Variants in ALDH1L1 observed in about 807,000 individuals in gnomAD.
ALDH1L1 encodes aldehyde dehydrogenase 1 family member L1.
A neutral mutation model predicts 101.1 loss-of-function variants in ALDH1L1; 68 were observed. The ratio of observed to expected loss-of-function variants is 0.67; its 90% CI spans 0.55 to 0.82. ALDH1L1 has a LOEUF of 0.82. Ranked by LOEUF, ALDH1L1 falls within the 40% of genes least tolerant of loss-of-function variation. The probability of loss-of-function intolerance (pLI) is 0.00; values close to 1 mark genes in which losing one functional copy is unlikely to be tolerated. For synonymous variants in ALDH1L1, 486 were observed against 470.8 expected, an observed-to-expected ratio of 1.03 and a Z score of -0.42; for missense variants, 1,087 against 1,172.7, an observed-to-expected ratio of 0.93 and a Z score of 1.07.
chr3:126,149,546 T>A (rs1001487625), intron 8 of ALDH1L1, among the ~76,000 whole-genome samples: 1 of 152,210 alleles, frequency 6.6e-6, no homozygotes, highest in Non-Finnish European at 1.5e-5. Context: ...ATAAATAGGA[T>A]TTTTTTTAAA....
intron 1 of ALDH1L1, among the ~76,000 whole-genome samples, chr3:126,191,344 A>G (rs986420852): frequency 6.6e-6 from 1 of 152,182 alleles, no homozygotes; most frequent in Non-Finnish European, 1.5e-5. Context: ...TACTGCTTTT[A>G]GTGGTGAGGA....
intron 12 of ALDH1L1, among the ~76,000 whole-genome samples, chr3:126,134,190 G>A (rs2080373410): frequency 6.6e-6 from 1 of 152,222 alleles, no homozygotes; most frequent in Non-Finnish European, 1.5e-5. Flanking sequence ...AGCTGAGGCA[G>A]AACCAGTAAT....
chr3:126,125,926 C>A (rs2080173229), intron 14 of ALDH1L1, among the ~76,000 whole-genome samples: 1 of 152,152 alleles, frequency 6.6e-6, no homozygotes, highest in Non-Finnish European at 1.5e-5. Flanking sequence ...TGGCAGCAGC[C>A]CCTCTTCCTA....
intron 14 of ALDH1L1, chr3:126,129,976 T>A: frequency 2.9e-6 from 1 of 339,500 alleles, no homozygotes; most frequent in East Asian, 4.8e-5. Context: ...ATTTTGGACA[T>A]TTTTTGGGTT....
intron 20 of ALDH1L1, among the ~76,000 whole-genome samples, chr3:126,109,061 A>G (rs1945986679): frequency 6.6e-6 from 1 of 152,246 alleles, no homozygotes; most frequent in Admixed American, 6.5e-5. Context: ...CCAGAGTGGG[A>G]CAATTCTCAG....
At chr3:126,186,980 G>A (rs2081522739) in intron 1 of ALDH1L1, among the ~76,000 whole-genome samples, 1 of 152,204 alleles carries the variant, frequency 6.6e-6, no homozygotes, top group African/African-American at 2.4e-5. Context: ...AAGTCACTGT[G>A]GAGCTCTGAA....
intron 1 of ALDH1L1, among the ~76,000 whole-genome samples, chr3:126,164,138 AAAGGC>A (rs1038972749): frequency 2.6e-5 from 4 of 152,196 alleles, no homozygotes; most frequent in Admixed American, 1.3e-4. Flanking sequence ...CTCAAAAAAA[AAAGGC>A]AAGGCAAGGC....
chr3:126,150,355 T>C, intron 8 of ALDH1L1, 51 bp downstream of exon 8: 1 of 1,542,420 alleles, frequency 6.5e-7, no homozygotes, highest in South Asian at 1.2e-5. Flanking sequence ...AGAACACATG[T>C]GCACGGCACA....
chr3:126,122,961 A>G (rs1374269809), intron 16 of ALDH1L1, among the ~76,000 whole-genome samples: 2 of 152,262 alleles, frequency 1.3e-5, no homozygotes, highest in African/African-American at 4.8e-5. Flanking sequence ...AACCCACTGT[A>G]TCAATATTTA....
Position 126,180,283 on chromosome 3 carries a change from A to C in ALDH1L1, c.-24+193T>G, listed in dbSNP as rs143591004. The C allele has an allele frequency of 2.8e-3, 633 of 227,158 alleles. 2 individuals carry two copies. The highest frequency in any genetic ancestry group is 4.2e-3 in the Non-Finnish European group (563 of 135,598). 14.1% of individuals were successfully genotyped at this position (227,158 alleles called of 1,614,324 possible). On this transcript the variant is annotated intron_variant, in intron 1 of 22. Transcript: ENST00000393434. Reference sequence around the variant, plus strand: ...ATGACCCCTGGCCAGGTTCAGCCTCAATTGCTCCAAAGAACTCCGGACCCG... The same window carrying C: ...ATGACCCCTGGCCAGGTTCAGCCTCCATTGCTCCAAAGAACTCCGGACCCG...
At chr3:126,184,988 C>T (rs190955281), upstream of ALDH1L1, among the ~76,000 whole-genome samples, 663 of 152,246 alleles carry the variant, frequency 4.4e-3, 5 homozygotes, top group African/African-American at 0.015. Flanking sequence ...TCACCTGATC[C>T]CCACCCCTTA....
chr3:126,120,602 G>A (rs550685389), intron 16 of ALDH1L1, among the ~76,000 whole-genome samples: 4 of 152,246 alleles, frequency 2.6e-5, no homozygotes, highest in South Asian at 4.1e-4. Flanking sequence ...TACGGACTTC[G>A]GGGGATAATG....
chr3:126,151,791 T>G (rs2080812173), intron 7 of ALDH1L1: 1 of 157,540 alleles, frequency 6.3e-6, no homozygotes, highest in Non-Finnish European at 1.5e-5. Context: ...AGGGCGTGGC[T>G]GAGAGATGCT....
chr3:126,153,116 C>T (rs1350145750), intron 7 of ALDH1L1: 5 of 397,678 alleles, frequency 1.3e-5, no homozygotes, highest in Admixed American at 1.1e-4. Flanking sequence ...CAAAGAGAGG[C>T]CCTGAACCCA....
At chr3:126,156,435 A>T (rs1294808048) in intron 4 of ALDH1L1, 1 of 152,330 alleles carries the variant, frequency 6.6e-6, no homozygotes, top group East Asian at 1.9e-4. Context: ...ACGAGGGGAC[A>T]GTGGACACTG....
In ALDH1L1 at chr3:126,109,970, C is replaced by G. The variant is rs1022282085; in HGVS notation, c.2321G>C (p.Cys774Ser). 6.2e-7 allele frequency: 1 copy of G among 1,614,144 alleles called. No homozygotes were observed. Among genetic ancestry groups the G allele is most frequent in the Non-Finnish European group, 8.5e-7 (1 of 1,180,002 alleles). ...HGVKEGATLV[C>S]GGNQVPRPGF... The stretch of plus-strand genomic sequence containing the variant: ...TGGCCGAGGGACCTGATTCCCGCCG[C>G]AGACCAGTGTGGCCCCTTCCTTCAC... Residue 774 changes from cysteine to serine, a missense_variant, in exon 20 of 23, where the codon TGC (cysteine) becomes TCC (serine). Physicochemically the swap from Cys to Ser is moderately radical, Grantham distance 112 (BLOSUM62 -1). Around this residue, in one of 2 missense-constraint regions of ALDH1L1, gnomAD observed 442 missense variants for 535.7 expected, o/e 0.83. Transcript: ENST00000393434.
At chr3:126,145,969 ATTC>A (rs910322092) in intron 9 of ALDH1L1, among the ~76,000 whole-genome samples, 1 of 152,114 alleles carries the variant, frequency 6.6e-6, no homozygotes, top group Non-Finnish European at 1.5e-5. Context: ...GGTGTCTGGC[ATTC>A]TTCTTCTTGG....
upstream of ALDH1L1, among the ~76,000 whole-genome samples, chr3:126,184,683 C>A (rs1039593864): frequency 6.6e-6 from 1 of 152,216 alleles, no homozygotes; most frequent in African/African-American, 2.4e-5. Context: ...AGGAGACAAG[C>A]CTGGCTCAGG....
At chr3:126,107,302 G>C in intron 20 of ALDH1L1, 56 bp from the exon 21 acceptor site, 1 of 1,453,616 alleles carries the variant, frequency 6.9e-7, no homozygotes. Context: ...CGATGGTCCA[G>C]CCTCTCCGTC....
Sources: allele counts gnomAD v4.1 joint callset (sites outside exome capture counted in the v4.1 genomes callset), GRCh38; gene constraint gnomAD v4.1.1; regional missense constraint gnomAD v4.1.1; transcripts MANE v1.5; gene names NCBI Gene and HGNC (gene_info 2026-07-23, HGNC 2026-07-21).